Variants in LSM14B observed in about 807,000 individuals in gnomAD.
The protein encoded by LSM14B is LSM family member 14B.
Under a neutral mutation model 42.1 loss-of-function variants are expected in LSM14B, and 8 were observed. That is an observed-to-expected ratio of 0.19 (90% CI 0.11 to 0.34). The LOEUF (loss-of-function observed/expected upper bound fraction) is 0.34. Ranked by LOEUF, LSM14B falls within the 10% of genes least tolerant of loss-of-function variation. LSM14B has a pLI of 1.00. For synonymous variants in LSM14B, 219 were observed against 209.7 expected (o/e 1.04, Z -0.38); for missense variants, 396 against 513.1 (o/e 0.77, Z 2.21).
chr20:62,133,160 G>A (rs6089657), intron 7 of LSM14B, 130 bp from the exon 8 acceptor site: 870,029 of 1,141,784 alleles, frequency 0.76, 341,797 homozygotes, highest in East Asian at 0.81. Context: ...CAGAGCTGAC[G>A]GGGCCGCCCC....
At chr20:62,132,977 G>A (rs1434123407) in intron 7 of LSM14B, among the ~76,000 whole-genome samples, 1 of 152,142 alleles carries the variant, frequency 6.6e-6, no homozygotes, top group Non-Finnish European at 1.5e-5. Flanking sequence ...GGCCTCCCCA[G>A]GGCTCCTCTC....
intron 1 of LSM14B, among the ~76,000 whole-genome samples, chr20:62,123,880 C>T (rs1311672316): frequency 6.6e-6 from 1 of 152,204 alleles, no homozygotes; most frequent in Admixed American, 6.5e-5. Flanking sequence ...CATGGAACCT[C>T]ACTACACTTA....
chr20:62,131,326 C>T (rs754198606), intron 6 of LSM14B, 30 bp from the exon 7 acceptor site: 1 of 1,561,742 alleles, frequency 6.4e-7, no homozygotes, highest in Non-Finnish European at 8.7e-7. Context: ...GCCCCTCCTC[C>T]ATCTCCACGT....
rs770500400 is a variant in LSM14B at position 62,130,579 on chromosome 20, C to T, written c.723C>T (p.Asn241=). 6.2e-6 allele frequency: 10 copies of T among 1,613,778 alleles called. No individual in the cohort carries two copies. In the Admixed American group the frequency reaches 1.5e-4, roughly 24 times the overall value. The change falls in exon 6 of 9, where the codon AAC becomes AAT. Residue 241 remains asparagine (N), a synonymous_variant. Transcript: ENST00000279068. The surrounding 1 kb of genome is among the most constrained non-coding windows in gnomAD (Gnocchi z 4.1). ...CCAGAGGGCAAAACCGTCCAACTAA[C>T]GTTAAGGAAAACACAATCAAATTTG... is the stretch of plus-strand genomic sequence containing the variant. ...NRSRGQNRPT[N]VKENTIKFEG... is the part of the protein sequence containing the mutation.
chr20:62,126,018 G>C (rs922205988), intron 2 of LSM14B, among the ~76,000 whole-genome samples: 1 of 152,140 alleles, frequency 6.6e-6, no homozygotes, highest in East Asian at 1.9e-4. Context: ...CTGAGATCAC[G>C]CCATTGCACT....
intron 3 of LSM14B, among the ~76,000 whole-genome samples, chr20:62,129,211 G>A (rs1011026724): frequency 4.6e-5 from 7 of 152,208 alleles, no homozygotes; most frequent in African/African-American, 1.7e-4. Flanking sequence ...AGGCTGCTAC[G>A]TCTCGGAAGT....
intron 3 of LSM14B, among the ~76,000 whole-genome samples, chr20:62,127,084 G>C (rs893055577): frequency 6.6e-6 from 1 of 152,222 alleles, no homozygotes; most frequent in Non-Finnish European, 1.5e-5. Context: ...AAGTCTAGCT[G>C]TTTGCACATT....
chr20:62,123,067 G>C (rs1471339905), intron 1 of LSM14B: 3 of 178,488 alleles, frequency 1.7e-5, no homozygotes, highest in Non-Finnish European at 3.5e-5. Flanking sequence ...GCGGGCGCCC[G>C]GCGGTGTTTG....
At chr20:62,132,000 A>G (rs2056780447) in intron 7 of LSM14B, among the ~76,000 whole-genome samples, 1 of 152,146 alleles carries the variant, frequency 6.6e-6, no homozygotes, top group Non-Finnish European at 1.5e-5. Flanking sequence ...CACCCTAGGG[A>G]GTGGGTGGCA....
intron 2 of LSM14B, among the ~76,000 whole-genome samples, chr20:62,125,802 G>C (rs752323514): frequency 6.6e-6 from 1 of 152,198 alleles, no homozygotes; most frequent in Non-Finnish European, 1.5e-5. Context: ...CAAGACACCT[G>C]TAATCCCAGC....
chr20:62,132,925 G>C (rs1237467830), intron 7 of LSM14B, among the ~76,000 whole-genome samples: 4 of 152,180 alleles, frequency 2.6e-5, no homozygotes, highest in Non-Finnish European at 5.9e-5. Flanking sequence ...TTGTCTAGGA[G>C]GGTCCACTTC....
intron 3 of LSM14B, chr20:62,128,795 A>G: frequency 2.1e-6 from 1 of 467,030 alleles, no homozygotes; most frequent in African/African-American, 2.0e-5. Context: ...GCTTCTCTTG[A>G]TCTGGTTACA....
Position 62,135,345 on chromosome 20 carries a change from A to C in LSM14B, c.*1197A>C, listed in dbSNP as rs1457239762. ...CCTCTGTTGGAGTAATGTAAATTGT[A>C]ATTATAAATAAACATGCAAACCTTT... On this transcript the variant is annotated 3_prime_UTR_variant, in exon 9 of 9. Coordinates refer to ENST00000279068, the MANE Select transcript of LSM14B (RefSeq NM_144703.3). The C allele has an allele frequency of 6.6e-6, 1 of 152,228 alleles. No individual in the cohort carries two copies. The highest frequency in any genetic ancestry group is 1.5e-5 in the Non-Finnish European group (1 of 68,042). 9.4% of individuals were successfully genotyped at this position (152,228 alleles called of 1,614,324 possible).
intron 8 of LSM14B, among the ~76,000 whole-genome samples, 193 bp downstream of exon 8, chr20:62,133,668 G>A (rs1026388721): frequency 2.0e-5 from 3 of 152,202 alleles, no homozygotes; most frequent in Admixed American, 6.5e-5. Context: ...CTGCATCTGT[G>A]GGGGTAGGAT....
intron 3 of LSM14B, chr20:62,128,955 C>T: frequency 7.7e-7 from 1 of 1,304,150 alleles, no homozygotes; most frequent in Non-Finnish European, 1.0e-6. Flanking sequence ...TCTCTGTTCA[C>T]TTACACCCAG....
intron 7 of LSM14B, among the ~76,000 whole-genome samples, chr20:62,132,423 T>C (rs1348756740): frequency 1.3e-5 from 2 of 152,120 alleles, no homozygotes; most frequent in Non-Finnish European, 2.9e-5. Flanking sequence ...ACGGCGTCCT[T>C]GGTGAGAGTG....
In LSM14B at chr20:62,130,760, C is replaced by G. The variant is rs2145630971; in HGVS notation, c.835+69C>G. On this transcript the variant is annotated intron_variant, in intron 6 of 8. Coordinates refer to ENST00000279068, the MANE Select transcript of LSM14B (RefSeq NM_144703.3). This position sits in a 1 kb window ranked among gnomAD's most constrained non-coding sequence, Gnocchi z 4.1. ...CCTAGAGAGTGTTAGGAGGAGATGC[C>G]TGGCCGGGTGTGGTGGTTCACGCCT... 1 of 1,515,168 alleles carries G rather than the reference C, an allele frequency of 6.6e-7. No individual in the cohort carries two copies. Among genetic ancestry groups the G allele is most frequent in the Admixed American group, 1.9e-5 (1 of 52,616 alleles). 93.9% of individuals were successfully genotyped at this position (1,515,168 alleles called of 1,614,324 possible).
At chr20:62,125,338 C>A (rs768182739) in intron 2 of LSM14B, among the ~76,000 whole-genome samples, 1 of 152,124 alleles carries the variant, frequency 6.6e-6, no homozygotes, top group Non-Finnish European at 1.5e-5. Flanking sequence ...TGCATGTGCG[C>A]GTGTGTAGTG....
intron 3 of LSM14B, chr20:62,128,055 A>G (rs1181376198): frequency 3.6e-6 from 2 of 556,016 alleles, no homozygotes; most frequent in African/African-American, 1.9e-5. Flanking sequence ...GGGACTCCCC[A>G]AAGCACCTGA....
Sources: allele counts gnomAD v4.1 joint callset (sites outside exome capture counted in the v4.1 genomes callset), GRCh38; gene constraint gnomAD v4.1.1; non-coding constraint Gnocchi (gnomAD v3.1); transcripts MANE v1.5; gene names NCBI Gene and HGNC (gene_info 2026-07-23, HGNC 2026-07-21).